SNX25: variants seen among roughly 807,000 people sequenced by gnomAD.
The protein encoded by SNX25 is sorting nexin-25.
A neutral mutation model predicts 113.7 loss-of-function variants in SNX25; 62 were observed. The ratio of observed to expected loss-of-function variants is 0.55; its 90% CI spans 0.44 to 0.67. SNX25 has a LOEUF of 0.67. SNX25 is among the 30% of genes least tolerant of loss of function. The probability of loss-of-function intolerance (pLI) is 0.00; values close to 1 mark genes in which losing one functional copy is unlikely to be tolerated. For synonymous variants in SNX25, 421 were observed against 436.2 expected (o/e 0.97, Z 0.43); for missense variants, 1,014 against 1,161.0 (o/e 0.87, Z 1.84).
intron 1 of SNX25, among the ~76,000 whole-genome samples, chr4:185,240,425 G>A (rs1415453321): frequency 1.3e-5 from 2 of 150,956 alleles, no homozygotes; most frequent in African/African-American, 4.9e-5. Context: ...CCCGGATGGG[G>A]CGGCTGGCCG....
chr4:185,374,473 G>T, downstream of SNX25: 1 of 1,601,292 alleles, frequency 6.2e-7, no homozygotes, highest in Admixed American at 1.8e-5. Context: ...TTCGACAAAA[G>T]AAAGAGCAAA....
At chr4:185,375,966 G>C in the SNX25 span, among the ~76,000 whole-genome samples, 2 of 152,084 alleles carry the variant, frequency 1.3e-5, no homozygotes, top group African/African-American at 4.8e-5. Context: ...ATAGACGAAG[G>C]TGCCATCGAA....
At chr4:185,350,224 T>C (rs1327842805) in intron 13 of SNX25, among the ~76,000 whole-genome samples, 3 of 152,150 alleles carry the variant, frequency 2.0e-5, no homozygotes, top group Non-Finnish European at 4.4e-5. Context: ...GTTCGTCAGG[T>C]CATTAGCCAT....
At chr4:185,274,668 A>G (rs981031583) in intron 5 of SNX25, among the ~76,000 whole-genome samples, 4 of 152,256 alleles carry the variant, frequency 2.6e-5, no homozygotes, top group African/African-American at 9.6e-5. Flanking sequence ...AGAGATGCCA[A>G]GCAAATACTC....
At chr4:185,374,189 A>G (rs113853881), downstream of SNX25, 1 of 1,614,132 alleles carries the variant, frequency 6.2e-7, no homozygotes, top group South Asian at 1.1e-5. Flanking sequence ...GCATACTTTG[A>G]GCCTTCACAC....
chr4:185,255,867 A>G (rs1361952956), intron 2 of SNX25, among the ~76,000 whole-genome samples: 1 of 152,200 alleles, frequency 6.6e-6, no homozygotes, highest in African/African-American at 2.4e-5. Context: ...TTGCCAATAA[A>G]TGAGATTATA....
At chr4:185,245,190 A>T (rs1449265262) in intron 1 of SNX25, among the ~76,000 whole-genome samples, 1 of 152,082 alleles carries the variant, frequency 6.6e-6, no homozygotes, top group African/African-American at 2.4e-5. Flanking sequence ...GTTCCAAACC[A>T]GTAAGTAGAC....
At chr4:185,275,781 G>T (rs1403754533) in intron 5 of SNX25, among the ~76,000 whole-genome samples, 1 of 152,160 alleles carries the variant, frequency 6.6e-6, no homozygotes. Flanking sequence ...CAATCAGTGA[G>T]CACATATAAA....
At chr4:185,244,407 A>G (rs910777876) in intron 1 of SNX25, among the ~76,000 whole-genome samples, 9 of 152,190 alleles carry the variant, frequency 5.9e-5, no homozygotes, top group African/African-American at 2.2e-4. Flanking sequence ...AGCAGTGTAG[A>G]CCTCTGAAAG....
chr4:185,246,008 C>T (rs572086129), intron 1 of SNX25, among the ~76,000 whole-genome samples: 3 of 152,112 alleles, frequency 2.0e-5, no homozygotes, highest in Admixed American at 1.3e-4. Flanking sequence ...TCCTTTAGGC[C>T]GGGTGCGGTG....
Position 185,267,174 on chromosome 4 carries a change from T to C in SNX25, c.1091+19T>C, listed in dbSNP as rs367660208. On this transcript the variant is annotated intron_variant, in intron 5 of 18. Transcript: ENST00000652585. ...AACTAAGGTATTTGGTCTTCAATTA[T>C]AGCACAGCAACAGCTACTGATTATC... 8 of 1,607,444 alleles carry C rather than the reference T, an allele frequency of 5.0e-6. No homozygotes were observed. Among genetic ancestry groups the C allele is most frequent in the Non-Finnish European group, 6.8e-6 (8 of 1,177,358 alleles).
intron 6 of SNX25, among the ~76,000 whole-genome samples, chr4:185,294,191 A>G (rs1481411019): frequency 6.6e-6 from 1 of 152,200 alleles, no homozygotes; most frequent in Non-Finnish European, 1.5e-5. Flanking sequence ...AAGCACGCAT[A>G]AATGCAGCTC....
At chr4:185,336,693 C>T (rs533989486) in intron 10 of SNX25, among the ~76,000 whole-genome samples, 24 of 152,160 alleles carry the variant, frequency 1.6e-4, no homozygotes, top group Non-Finnish European at 2.8e-4. Flanking sequence ...AGTGGGATTG[C>T]TGGATCAAAC....
At position 185,209,952 on chromosome 4, in the gene SNX25, G is replaced by C. The variant is rs1328207946; in HGVS notation, c.126G>C (p.Glu42Asp). ...GGCCGGAGTCCCCGGGGGACGCGGA[G>C]GCAGCAGCAGCGGCGGCGCCGGGGG... Reference protein sequence around the residue: ...ERRPESPGDAEAAAAAAPGAP... With the variant: ...ERRPESPGDADAAAAAAPGAP... The change falls in exon 1 of 19, where the codon GAG becomes GAC. Residue 42 changes from glutamate to aspartate, a missense_variant. Coordinates refer to ENST00000652585, the MANE Select transcript of SNX25 (RefSeq NM_001378034.2). This position sits in a 1 kb window ranked among gnomAD's most constrained non-coding sequence, Gnocchi z 5.2. 1 of 983,548 alleles carries C rather than the reference G, an allele frequency of 1.0e-6. No homozygotes were observed. Among genetic ancestry groups the C allele is most frequent in the Non-Finnish European group, 1.2e-6 (1 of 829,194 alleles). 60.9% of individuals were successfully genotyped at this position (983,548 alleles called of 1,614,324 possible). A position where few individuals can be genotyped will look rare whatever the true frequency, so the allele number is the denominator to read the frequency against.
intron 14 of SNX25, among the ~76,000 whole-genome samples, chr4:185,352,194 G>C (rs2095318822): frequency 6.6e-6 from 1 of 152,178 alleles, no homozygotes. Context: ...CTGAACCCCA[G>C]ACTTCTCCCC....
At chr4:185,333,245 G>A (rs1267408473) in intron 10 of SNX25, among the ~76,000 whole-genome samples, 1 of 152,322 alleles carries the variant, frequency 6.6e-6, no homozygotes, top group South Asian at 2.1e-4. Context: ...CCAAGCTGTG[G>A]TGTGGCTTTT....
At chr4:185,280,161 C>T (rs1023513178) in intron 5 of SNX25, among the ~76,000 whole-genome samples, 2 of 152,148 alleles carry the variant, frequency 1.3e-5, no homozygotes, top group Admixed American at 6.5e-5. Context: ...AACTATCCAC[C>T]GACCTTGGCC....
chr4:185,353,112 A>G (rs80087958), intron 14 of SNX25: 2,121 of 162,598 alleles, frequency 0.013, 48 homozygotes, highest in African/African-American at 0.048. Context: ...CATGTTTGAA[A>G]AAAAGCAGTG....
At chr4:185,348,112 T>G (rs1208227025) in intron 13 of SNX25, among the ~76,000 whole-genome samples, 1 of 152,246 alleles carries the variant, frequency 6.6e-6, no homozygotes, top group East Asian at 1.9e-4. Context: ...AGGCCAAAGG[T>G]GTACTGTCCT....
Sources: gnomAD v4.1 joint callset for allele counts (sites outside exome capture counted in the v4.1 genomes callset) on GRCh38, gnomAD v4.1.1 for gene constraint, Gnocchi (gnomAD v3.1) non-coding constraint, MANE v1.5 for transcripts, NCBI Gene and HGNC (gene_info 2026-07-23, HGNC 2026-07-21) for gene names.